Variants in DLGAP2 observed in about 807,000 individuals in gnomAD.
DLGAP2 encodes disks large-associated protein 2.
Under a neutral mutation model 100.3 loss-of-function variants are expected in DLGAP2, and 26 were observed. The observed-to-expected ratio is 0.26, with a 90% CI of 0.19 to 0.36. The LOEUF is 0.36. Among genes scored for constraint, DLGAP2 ranks in the 10% least tolerant of loss-of-function variants. The pLI is 1.00. For synonymous variants in DLGAP2, 886 were observed against 630.1 expected (o/e 1.41, Z -6.08); for missense variants, 1,858 against 1,453.2 (o/e 1.28, Z -4.53).
At chr8:1,054,269 C>T (rs550135247) in intron 2 of DLGAP2, among the ~76,000 whole-genome samples, 7 of 152,036 alleles carry the variant, frequency 4.6e-5, no homozygotes, top group African/African-American at 1.7e-4. Context: ...CGCACACACA[C>T]GGACACACAC....
At chr8:1,309,817 G>A (rs545897861) in intron 3 of DLGAP2, among the ~76,000 whole-genome samples, 38 of 152,308 alleles carry the variant, frequency 2.5e-4, no homozygotes, top group African/African-American at 6.5e-4. Flanking sequence ...GTGACAGGCC[G>A]GGCGCCGTGG....
chr8:1,234,958 G>A (rs1036876802), intron 2 of DLGAP2, among the ~76,000 whole-genome samples: 8 of 151,810 alleles, frequency 5.3e-5, no homozygotes, highest in African/African-American at 1.9e-4. Context: ...TCTCTCACAT[G>A]CCACTGTGTC....
chr8:858,135 G>T (rs1013948943), intron 1 of DLGAP2, among the ~76,000 whole-genome samples: 4 of 152,210 alleles, frequency 2.6e-5, no homozygotes, highest in African/African-American at 9.7e-5. Flanking sequence ...GGGATTACAG[G>T]CGTTAGCCAC....
intron 3 of DLGAP2, among the ~76,000 whole-genome samples, chr8:1,440,997 C>A (rs796522252): frequency 9.9e-5 from 15 of 152,248 alleles, no homozygotes; most frequent in African/African-American, 3.6e-4. Flanking sequence ...GGTTTTCCAG[C>A]CAAATGGTAG....
rs376298037 is a variant in DLGAP2 at position 1,370,520 on chromosome 8, C to T, written c.106+111637C>T. Among the ~76,000 whole-genome samples the T allele has an allele frequency of 3.1e-4, 47 of 152,300 alleles. 1 individual carries two copies. In the South Asian group the frequency reaches 9.1e-3, roughly 30 times the overall value. ...AAGCATCTATACTTAAGTAACAAGT[C>T]ACATTTCTTTTGTGTTTCATTTGCT... is the stretch of plus-strand genomic sequence containing the variant. On this transcript the variant is annotated intron_variant, in intron 3 of 14. Transcript: ENST00000637795.
intron 4 of DLGAP2, among the ~76,000 whole-genome samples, chr8:1,546,416 C>T (rs374983060): frequency 5.2e-4 from 79 of 152,324 alleles, no homozygotes; most frequent in South Asian, 3.5e-3. Flanking sequence ...TGTGAGAAGC[C>T]GGTCCCTGAC....
At chr8:965,715 CCGCGTGCA>C (rs1799849689) in intron 2 of DLGAP2, among the ~76,000 whole-genome samples, 1 of 138,392 alleles carries the variant, frequency 7.2e-6, no homozygotes, top group Non-Finnish European at 1.6e-5. Flanking sequence ...AGCCCAACCC[CCGCGTGCA>C]CACGGCACTG....
At chr8:1,095,566 C>T (rs1239335404) in intron 2 of DLGAP2, among the ~76,000 whole-genome samples, 1 of 152,172 alleles carries the variant, frequency 6.6e-6, no homozygotes, top group Non-Finnish European at 1.5e-5. Flanking sequence ...TGTCCACCGT[C>T]AACACTGTTG....
At chr8:1,236,967 A>G (rs1366890399) in intron 2 of DLGAP2, among the ~76,000 whole-genome samples, 72 of 133,722 alleles carry the variant, frequency 5.4e-4, no homozygotes, top group Middle Eastern at 5.1e-3. Flanking sequence ...GTTCTCTCAC[A>G]TGGTGCCGTG....
At position 826,692 on chromosome 8, in the gene DLGAP2, G is replaced by C. The variant is rs137951420; in HGVS notation, c.19-81220G>C. ...CCCCCTCTCGCAGCCTTCTCTGCCC[G>C]TCTGTGCTTCACTCGGTCATGCTGA... is the stretch of plus-strand genomic sequence containing the variant. On this transcript the variant is annotated intron_variant, in intron 1 of 14. Coordinates refer to ENST00000637795, the MANE Select transcript of DLGAP2 (RefSeq NM_001346810.2). Among the ~76,000 whole-genome samples the C allele has an allele frequency of 9.1e-4, 138 of 152,226 alleles. 1 individual carries two copies. Among genetic ancestry groups the C allele is most frequent in the South Asian group, 4.2e-3 (20 of 4,806 alleles).
intron 3 of DLGAP2, among the ~76,000 whole-genome samples, chr8:1,489,768 A>G (rs192415018): frequency 2.0e-5 from 3 of 152,354 alleles, no homozygotes; most frequent in Admixed American, 6.5e-5. Context: ...GAGTATACCA[A>G]TTCTCACGTA....
At chr8:1,191,788 T>G (rs767872260) in intron 2 of DLGAP2, among the ~76,000 whole-genome samples, 4 of 152,188 alleles carry the variant, frequency 2.6e-5, no homozygotes, top group Non-Finnish European at 5.9e-5. Flanking sequence ...ACCTTGAAAT[T>G]CAATTGTATA....
intron 1 of DLGAP2, chr8:740,043 C>A (rs1053257761): frequency 6.6e-6 from 1 of 152,238 alleles, no homozygotes; most frequent in Non-Finnish European, 1.5e-5. Flanking sequence ...TTCACTGTCA[C>A]TCCTTGGTGA....
Position 822,170 on chromosome 8 carries a change from C to A in DLGAP2, c.18+84345C>A. On this transcript the variant is annotated intron_variant, in intron 1 of 14. Transcript: ENST00000637795. ...TGCTAACCCTCTGCCTGCGCCCAGC[C>A]CAGCCACAATGGGGACTGCTCAGGT... The A allele has an allele frequency of 7.5e-6, 3 of 399,586 alleles. No individual in the cohort carries two copies. The East Asian group carries it at 1.1e-4, about 14-fold the overall frequency. The allele number at this position is 399,586 out of a possible 1,614,324, so 24.8% of individuals were successfully genotyped here.
At chr8:962,766 C>T (rs973591589) in intron 2 of DLGAP2, among the ~76,000 whole-genome samples, 6 of 152,156 alleles carry the variant, frequency 3.9e-5, no homozygotes, top group African/African-American at 9.7e-5. Context: ...GGGGTGGTCA[C>T]GGCAGGGAGC....
intron 3 of DLGAP2, among the ~76,000 whole-genome samples, chr8:1,421,690 G>A (rs1797090892): frequency 6.6e-6 from 1 of 152,216 alleles, no homozygotes; most frequent in African/African-American, 2.4e-5. Context: ...ATAAGGCTAG[G>A]CACAGTGGCT....
chr8:1,516,691 C>T (rs112786264), intron 4 of DLGAP2, among the ~76,000 whole-genome samples: 1 of 147,072 alleles, frequency 6.8e-6, no homozygotes, highest in Non-Finnish European at 1.5e-5. Flanking sequence ...GAGTGAGTGA[C>T]TGAGTGAATG....
chr8:911,731 T>C (rs1798489432), intron 2 of DLGAP2, among the ~76,000 whole-genome samples: 1 of 151,616 alleles, frequency 6.6e-6, no homozygotes, highest in African/African-American at 2.4e-5. Flanking sequence ...GTATAATGTA[T>C]GTTGGAAGGA....
chr8:1,095,611 C>T lies in DLGAP2; in HGVS notation c.74-163240C>T, dbSNP rs1248872548. Among the ~76,000 whole-genome samples the T allele has an allele frequency of 3.3e-5, 5 of 152,148 alleles. No individual in the cohort carries two copies. The East Asian group carries it at 5.8e-4, about 18-fold the overall frequency. On this transcript the variant is annotated intron_variant, in intron 2 of 14. Coordinates refer to ENST00000637795, the MANE Select transcript of DLGAP2 (RefSeq NM_001346810.2). ...GGGGTCTTCAAAGTAAACCATTTTCCGAGTGCTGGGCGCACAGCCAGGACA... is the reference window on the plus strand; with the variant it reads ...GGGGTCTTCAAAGTAAACCATTTTCTGAGTGCTGGGCGCACAGCCAGGACA...
Sources: gnomAD v4.1 joint callset for allele counts (sites outside exome capture counted in the v4.1 genomes callset) on GRCh38, gnomAD v4.1.1 for gene constraint, MANE v1.5 for transcripts, NCBI Gene and HGNC (gene_info 2026-07-23, HGNC 2026-07-21) for gene names.